CAB39L: variants seen among roughly 807,000 people sequenced by gnomAD.
CAB39L encodes the protein calcium binding protein 39 like, also known as calcium-binding protein 39-like.
CAB39L carries 23 observed loss-of-function variants against 39.1 expected under a neutral mutation model. The ratio of observed to expected loss-of-function variants is 0.59; its 90% CI spans 0.42 to 0.83. The LOEUF (loss-of-function observed/expected upper bound fraction) is 0.83, where lower values mean the gene tolerates loss of function less well. Ranked by LOEUF, CAB39L falls within the 40% of genes least tolerant of loss-of-function variation. The probability of loss-of-function intolerance (pLI) is 0.00; values close to 1 mark genes in which losing one functional copy is unlikely to be tolerated. For missense variants in CAB39L, 366 were observed against 391.9 expected, an observed-to-expected ratio of 0.93 and a Z score of 0.56; for synonymous variants, 126 against 137.2, an observed-to-expected ratio of 0.92 and a Z score of 0.57.
chr13:49,395,427 T>C (rs1403948121), intron 3 of CAB39L, among the ~76,000 whole-genome samples: 1 of 151,982 alleles, frequency 6.6e-6, no homozygotes, highest in Non-Finnish European at 1.5e-5. Context: ...AGAGACAGGG[T>C]TTTACCATGT....
At chr13:49,425,900 G>A (rs958793573) in intron 3 of CAB39L, among the ~76,000 whole-genome samples, 4 of 152,338 alleles carry the variant, frequency 2.6e-5, no homozygotes, top group Admixed American at 1.3e-4. Context: ...ATGAAAGGTA[G>A]CACTTGCTTT....
At chr13:49,430,958 A>G (rs1957312746) in intron 3 of CAB39L, among the ~76,000 whole-genome samples, 1 of 152,258 alleles carries the variant, frequency 6.6e-6, no homozygotes, top group African/African-American at 2.4e-5. Context: ...TTATCAAGAC[A>G]TGTTCCTCTA....
At chr13:49,315,915 GA>G (rs1954146068) in intron 10 of CAB39L, among the ~76,000 whole-genome samples, 1 of 147,462 alleles carries the variant, frequency 6.8e-6, no homozygotes, top group Non-Finnish European at 1.5e-5. Context: ...GAAAAGAAAA[GA>G]AAGATCTCAG....
chr13:49,426,982 C>T (rs1340642349), intron 3 of CAB39L, among the ~76,000 whole-genome samples: 1 of 152,182 alleles, frequency 6.6e-6, no homozygotes, highest in Non-Finnish European at 1.5e-5. Flanking sequence ...TTTGGAGAGG[C>T]TGACATGGTC....
intron 3 of CAB39L, among the ~76,000 whole-genome samples, chr13:49,392,124 AG>A (rs1956500944): frequency 6.6e-6 from 1 of 152,094 alleles, no homozygotes; most frequent in Admixed American, 6.6e-5. Flanking sequence ...ACACACACAA[AG>A]CATTTAATAT....
chr13:49,328,467 A>G (rs930068516), intron 10 of CAB39L, among the ~76,000 whole-genome samples: 1 of 152,162 alleles, frequency 6.6e-6, no homozygotes, highest in Admixed American at 6.5e-5. Flanking sequence ...TATATGTCAC[A>G]TTCTATCCTG....
In CAB39L at chr13:49,355,223, A is replaced by T. The variant is rs9568189; in HGVS notation, c.396-4311T>A. On this transcript the variant is annotated intron_variant, in intron 6 of 10. Coordinates refer to ENST00000409308, the MANE Select transcript of CAB39L (RefSeq NM_001079670.3). ...GGACCCTGTTTCTACAAAAAAAAAAAAAAAATTAATTAGCTAAGTGTGGTG... is the reference window on the plus strand; with the variant it reads ...GGACCCTGTTTCTACAAAAAAAAAATAAAAATTAATTAGCTAAGTGTGGTG... Among the ~76,000 whole-genome samples, 571 of 152,136 alleles carry T rather than the reference A, an allele frequency of 3.8e-3. 35 individuals carry two copies. In the East Asian group the frequency reaches 0.093, roughly 25 times the overall value.
At chr13:49,311,026 C>T (rs759328679) in intron 10 of CAB39L, 33 bp from the exon 11 acceptor site, 2 of 1,600,106 alleles carry the variant, frequency 1.2e-6, no homozygotes, top group Admixed American at 1.7e-5. Context: ...CTTAGGAGTG[C>T]AAGCCAGGGA....
chr13:49,411,673 G>C (rs1392264123), intron 3 of CAB39L, among the ~76,000 whole-genome samples: 2 of 152,010 alleles, frequency 1.3e-5, no homozygotes, highest in African/African-American at 4.8e-5. Flanking sequence ...TAAAAGTGTT[G>C]CATGGTTGCA....
At chr13:49,368,860 AAG>A (rs2138534619) in intron 5 of CAB39L, among the ~76,000 whole-genome samples, 1 of 152,324 alleles carries the variant, frequency 6.6e-6, no homozygotes, top group South Asian at 2.1e-4. Context: ...ATTGCTGAAA[AAG>A]AGCATCCCTC....
chr13:49,331,125 T>C (rs1036717808), intron 10 of CAB39L, among the ~76,000 whole-genome samples: 1 of 152,026 alleles, frequency 6.6e-6, no homozygotes, highest in African/African-American at 2.4e-5. Context: ...AGGCTGGGAA[T>C]ACAGAATTAC....
At chr13:49,427,898 G>C (rs1486721799) in intron 3 of CAB39L, among the ~76,000 whole-genome samples, 1 of 152,118 alleles carries the variant, frequency 6.6e-6, no homozygotes, top group Non-Finnish European at 1.5e-5. Flanking sequence ...TCCTCACATA[G>C]TGGAAGGCGA....
chr13:49,369,622 C>T (rs1044239918), intron 5 of CAB39L, among the ~76,000 whole-genome samples: 5 of 149,932 alleles, frequency 3.3e-5, no homozygotes, highest in Non-Finnish European at 7.4e-5. Flanking sequence ...AAGTCTTGCT[C>T]TGTCACCCAG....
intron 3 of CAB39L, among the ~76,000 whole-genome samples, chr13:49,391,381 T>C (rs1240657340): frequency 6.6e-6 from 1 of 152,098 alleles, no homozygotes; most frequent in African/African-American, 2.4e-5. Flanking sequence ...AAGTAAGCAG[T>C]TGAGCAAAGA....
At chr13:49,332,968 T>C (rs1954753535) in intron 9 of CAB39L, among the ~76,000 whole-genome samples, 1 of 152,082 alleles carries the variant, frequency 6.6e-6, no homozygotes, top group Admixed American at 6.5e-5. Flanking sequence ...CATCATTACA[T>C]GGTTACAGAA....
At chr13:49,389,452 C>T (rs139803107) in intron 3 of CAB39L, among the ~76,000 whole-genome samples, 70 of 152,194 alleles carry the variant, frequency 4.6e-4, no homozygotes, top group Middle Eastern at 3.4e-3. Flanking sequence ...ACCAGCATGG[C>T]CAACATGGGG....
chr13:49,424,889 G>T (rs1348751481), intron 3 of CAB39L, among the ~76,000 whole-genome samples: 1 of 152,086 alleles, frequency 6.6e-6, no homozygotes. Context: ...ATAATGAGAG[G>T]ATGGGAATAT....
chr13:49,426,435 T>C (rs879309463), intron 3 of CAB39L, among the ~76,000 whole-genome samples: 1 of 150,064 alleles, frequency 6.7e-6, no homozygotes, highest in Non-Finnish European at 1.5e-5. Context: ...TTTAAAATAT[T>C]TTTTTTTTTG....
intron 3 of CAB39L, among the ~76,000 whole-genome samples, chr13:49,407,761 T>C (rs144332948): frequency 0.01 from 1,528 of 151,140 alleles, 13 homozygotes; most frequent in Non-Finnish European, 0.015. Context: ...GCCCAGTGGC[T>C]CATGTCTGTA....
Sources: allele counts gnomAD v4.1 joint callset (sites outside exome capture counted in the v4.1 genomes callset), GRCh38; gene constraint gnomAD v4.1.1; transcripts MANE v1.5; gene names NCBI Gene and HGNC (gene_info 2026-07-23, HGNC 2026-07-21).